Variants in CCSER1 observed in about 807,000 individuals in gnomAD.
CCSER1 encodes the protein coiled-coil serine rich protein 1.
CCSER1 carries 41 observed loss-of-function variants against 82.0 expected under a neutral mutation model. The observed-to-expected ratio is 0.50, with a 90% confidence interval of 0.39 to 0.65. CCSER1 has a LOEUF of 0.65. CCSER1 is among the 30% of genes least tolerant of loss of function. The pLI is 0.00. For synonymous variants in CCSER1, 414 were observed against 383.9 expected (o/e 1.08, Z -0.92); for missense variants, 1,119 against 1,064.2 (o/e 1.05, Z -0.72).
intron 5 of CCSER1, among the ~76,000 whole-genome samples, chr4:90,579,838 G>T (rs986322334): frequency 1.3e-5 from 2 of 148,878 alleles, no homozygotes; most frequent in Admixed American, 6.6e-5. Context: ...GTGGAGACTG[G>T]AGAGTAATTT....
In CCSER1 at chr4:90,886,831, A is replaced by G. The variant is rs370991907; in HGVS notation, c.2095-36539A>G. On this transcript the variant is annotated intron_variant, in intron 8 of 10. Coordinates refer to ENST00000509176, the MANE Select transcript of CCSER1 (RefSeq NM_001145065.2). Reference sequence around the variant, plus strand: ...AATTCTGTGTCTACTGAATTGAAAAAAGAAAATCAGTTCTGTACTGAACTC... The same window carrying G: ...AATTCTGTGTCTACTGAATTGAAAAGAGAAAATCAGTTCTGTACTGAACTC... Among the ~76,000 whole-genome samples, 5 of 152,308 alleles carry G rather than the reference A, an allele frequency of 3.3e-5. No individual in the cohort carries two copies. In the South Asian group the frequency reaches 1.0e-3, roughly 32 times the overall value.
rs529305365 is a variant in CCSER1 at position 91,142,737 on chromosome 4, G to A, written c.2217+56743G>A. ...TGCAACATCATTTATTGAATCGAGA[G>A]TCCTTTCCTTATAGTGTATTTCTGT... On this transcript the variant is annotated intron_variant, in intron 10 of 10. Coordinates refer to ENST00000509176, the MANE Select transcript of CCSER1 (RefSeq NM_001145065.2). Among the ~76,000 whole-genome samples, 70 of 152,216 alleles carry A rather than the reference G, an allele frequency of 4.6e-4. 1 individual carries two copies. In the South Asian group the frequency reaches 8.5e-3, roughly 18 times the overall value.
chr4:90,613,398 A>G lies in CCSER1; in HGVS notation c.1725-14627A>G, dbSNP rs184690595. 1.5e-3 allele frequency among the ~76,000 whole-genome samples: 228 copies of G among 152,280 alleles called. 1 individual carries two copies. Among genetic ancestry groups the G allele is most frequent in the Middle Eastern group, 3.4e-3 (1 of 294 alleles). On this transcript the variant is annotated intron_variant, in intron 5 of 10. Coordinates refer to ENST00000509176, the MANE Select transcript of CCSER1 (RefSeq NM_001145065.2). ...CAAGATGGTGACAGAAGAATATATTACCAAATGTAGTATCCTTTCAAGAGG... is the reference window on the plus strand; with the variant it reads ...CAAGATGGTGACAGAAGAATATATTGCCAAATGTAGTATCCTTTCAAGAGG...
intron 1 of CCSER1, among the ~76,000 whole-genome samples, chr4:90,148,407 G>C (rs1323189078): frequency 6.6e-6 from 1 of 151,996 alleles, no homozygotes. Context: ...AAATTGTACA[G>C]TTTTTTTGCA....
At chr4:90,793,444 C>G (rs914120082) in intron 7 of CCSER1, among the ~76,000 whole-genome samples, 5 of 152,260 alleles carry the variant, frequency 3.3e-5, no homozygotes, top group African/African-American at 1.2e-4. Context: ...ATTTGGTTTT[C>G]TTTTCCTTTT....
chr4:91,596,289 T>C (rs1012255284), intron 10 of CCSER1, among the ~76,000 whole-genome samples: 3 of 152,064 alleles, frequency 2.0e-5, no homozygotes, highest in Non-Finnish European at 2.9e-5. Flanking sequence ...AATATTAAAA[T>C]AGTGGAAATG....
intron 5 of CCSER1, among the ~76,000 whole-genome samples, chr4:90,584,661 C>G (rs1330662329): frequency 6.6e-6 from 1 of 152,032 alleles, no homozygotes; most frequent in Non-Finnish European, 1.5e-5. Flanking sequence ...ATAAATTTAG[C>G]CAGGAAAATA....
At chr4:90,881,740 A>G (rs1177630059) in intron 8 of CCSER1, among the ~76,000 whole-genome samples, 1 of 152,148 alleles carries the variant, frequency 6.6e-6, no homozygotes, top group African/African-American at 2.4e-5. Flanking sequence ...AGCCAAGATC[A>G]TATTACTGCA....
At position 91,599,297 on chromosome 4, in the gene CCSER1, G is replaced by T; in HGVS notation, c.*240G>T. The T allele has an allele frequency of 2.5e-6, 1 of 401,968 alleles. No individual in the cohort carries two copies. Among genetic ancestry groups the T allele is most frequent in the Non-Finnish European group, 4.4e-6 (1 of 225,636 alleles). 24.9% of individuals were successfully genotyped at this position (401,968 alleles called of 1,614,324 possible). ...GCCTTGAAGACTTTACTATATAGGT[G>T]TATAATAAATGGGACCATCATGATC... On this transcript the variant is annotated 3_prime_UTR_variant, in exon 11 of 11. Coordinates refer to ENST00000509176, the MANE Select transcript of CCSER1 (RefSeq NM_001145065.2).
At chr4:91,439,366 A>G (rs1366498842) in intron 10 of CCSER1, among the ~76,000 whole-genome samples, 1 of 152,128 alleles carries the variant, frequency 6.6e-6, no homozygotes, top group Non-Finnish European at 1.5e-5. Context: ...CCAGAATTTC[A>G]TATCCAACCA....
At position 90,539,220 on chromosome 4, in the gene CCSER1, A is replaced by G. The variant is rs992494113; in HGVS notation, c.1724+70866A>G. On this transcript the variant is annotated intron_variant, in intron 5 of 10. Coordinates refer to ENST00000509176, the MANE Select transcript of CCSER1 (RefSeq NM_001145065.2). The stretch of plus-strand genomic sequence containing the variant: ...TATTTTATTTTATGCATGCAAACAC[A>G]TAATTCTAAGAATGGGTCCATAGGT... Among the ~76,000 whole-genome samples the G allele has an allele frequency of 2.6e-5, 4 of 152,180 alleles. No homozygotes were observed. In the South Asian group the frequency reaches 8.3e-4, roughly 32 times the overall value.
chr4:90,623,246 G>A (rs1459139046), intron 5 of CCSER1, among the ~76,000 whole-genome samples: 1 of 151,860 alleles, frequency 6.6e-6, no homozygotes, highest in Non-Finnish European at 1.5e-5. Context: ...GTGTTAACCT[G>A]GATGGTCTCG....
At chr4:91,215,113 T>C (rs1737138365) in intron 10 of CCSER1, among the ~76,000 whole-genome samples, 1 of 152,148 alleles carries the variant, frequency 6.6e-6, no homozygotes, top group East Asian at 1.9e-4. Context: ...AACTAATTAG[T>C]AGATGCCATT....
chr4:90,979,531 C>T (rs1373748602), intron 9 of CCSER1, among the ~76,000 whole-genome samples: 1 of 151,684 alleles, frequency 6.6e-6, no homozygotes, highest in East Asian at 1.9e-4. Flanking sequence ...TGCAAGTACG[C>T]ACTGATGATC....
intron 8 of CCSER1, among the ~76,000 whole-genome samples, chr4:90,874,084 T>A (rs1306774470): frequency 6.6e-6 from 1 of 152,152 alleles, no homozygotes; most frequent in Non-Finnish European, 1.5e-5. Context: ...TTTCCTTCCA[T>A]CTTCAATTTA....
intron 10 of CCSER1, among the ~76,000 whole-genome samples, chr4:91,551,673 A>G (rs1256561007): frequency 6.7e-6 from 1 of 148,960 alleles, no homozygotes; most frequent in Non-Finnish European, 1.5e-5. Flanking sequence ...ACACACACAC[A>G]CACACACACA....
At chr4:90,292,971 G>A (rs1731198686) in intron 1 of CCSER1, among the ~76,000 whole-genome samples, 1 of 151,618 alleles carries the variant, frequency 6.6e-6, no homozygotes, top group South Asian at 2.1e-4. Context: ...TCAGACTTTG[G>A]TATTCATCCT....
At position 90,832,046 on chromosome 4, in the gene CCSER1, G is replaced by A. The variant is rs1222993736; in HGVS notation, c.2094+16201G>A. On this transcript the variant is annotated intron_variant, in intron 8 of 10. Coordinates refer to ENST00000509176, the MANE Select transcript of CCSER1 (RefSeq NM_001145065.2). ...CTCTGATTAGTGGAGTAAAGGGCAA[G>A]ACAGTCTTTTTACAAGCATCAGGTA... Among the ~76,000 whole-genome samples, 3 of 151,830 alleles carry A rather than the reference G, an allele frequency of 2.0e-5. No homozygotes were observed. In the East Asian group the frequency reaches 5.8e-4, roughly 29 times the overall value.
intron 5 of CCSER1, among the ~76,000 whole-genome samples, chr4:90,549,521 C>G (rs1392683030): frequency 6.6e-6 from 1 of 151,938 alleles, no homozygotes; most frequent in Non-Finnish European, 1.5e-5. Flanking sequence ...AAACTCAGGG[C>G]AAGGAGAGAA....
Sources: allele counts gnomAD v4.1 joint callset (sites outside exome capture counted in the v4.1 genomes callset), GRCh38; gene constraint gnomAD v4.1.1; transcripts MANE v1.5; gene names NCBI Gene and HGNC (gene_info 2026-07-23, HGNC 2026-07-21).